PCSK2: variants seen among roughly 807,000 people sequenced by gnomAD.
PCSK2 encodes neuroendocrine convertase 2.
A neutral mutation model predicts 69.7 loss-of-function variants in PCSK2; 14 were observed. The observed-to-expected ratio is 0.20, with a 90% CI of 0.13 to 0.31. The LOEUF is 0.31. Ranked by LOEUF, PCSK2 falls within the 10% of genes least tolerant of loss-of-function variation. The pLI, the probability that PCSK2 is intolerant of heterozygous loss-of-function variation, is 1.00. For synonymous variants in PCSK2, 307 were observed against 320.7 expected (o/e 0.96, Z 0.46); for missense variants, 544 against 842.5 (o/e 0.65, Z 4.39).
chr20:17,433,812 T>TCTCTCTCC (rs774361715), intron 7 of PCSK2, among the ~76,000 whole-genome samples: 21 of 104,172 alleles, frequency 2.0e-4, no homozygotes, highest in African/African-American at 7.0e-4. Flanking sequence ...TCTCTCTCTC[T>TCTCTCTCC]CCCCCCACTT....
intron 5 of PCSK2, among the ~76,000 whole-genome samples, chr20:17,386,804 G>A (rs539214943): frequency 4.6e-5 from 7 of 152,130 alleles, no homozygotes; most frequent in Non-Finnish European, 8.8e-5. Context: ...CTATTACAAT[G>A]AATACATCGT....
In PCSK2 at chr20:17,445,603, C is replaced by T. The variant is rs147979057; in HGVS notation, c.886-8139C>T. 1.8e-3 allele frequency among the ~76,000 whole-genome samples: 273 copies of T among 152,296 alleles called. 1 individual carries two copies. The highest frequency in any genetic ancestry group is 2.7e-3 in the Non-Finnish European group (186 of 68,036). On this transcript the variant is annotated intron_variant, in intron 8 of 11. Coordinates refer to ENST00000262545, the MANE Select transcript of PCSK2 (RefSeq NM_002594.5). ...GGGGACAGAGAGCTGCCTGGGGAGA[C>T]AGTGATTAATCAGGCATGGGCGAGG...
intron 5 of PCSK2, among the ~76,000 whole-genome samples, chr20:17,393,534 T>C (rs938880707): frequency 6.6e-6 from 1 of 151,976 alleles, no homozygotes; most frequent in Non-Finnish European, 1.5e-5. Context: ...TTTTTAATCA[T>C]TTATCTTCAA....
At chr20:17,409,459 G>A (rs1355658253) in intron 6 of PCSK2, 120 bp downstream of exon 6, 1 of 691,616 alleles carries the variant, frequency 1.4e-6, no homozygotes, top group Non-Finnish European at 2.6e-6. Context: ...AAATTATATT[G>A]TGATTTTTCT....
rs2032317002 is a variant in PCSK2 at position 17,429,344 on chromosome 20, A to G, written c.621-91A>G. On this transcript the variant is annotated intron_variant, in intron 6 of 11. Transcript: ENST00000262545. The stretch of plus-strand genomic sequence containing the variant: ...TACTTGTATATGATACGCAGATTTC[A>G]TTTTTGTTCCAAAGAGAATTTTGAG... 3.3e-6 allele frequency: 3 copies of G among 907,362 alleles called. No homozygotes were observed. In the South Asian group the frequency reaches 4.2e-5, roughly 13 times the overall value. The allele number at this position is 907,362 out of a possible 1,614,324, so 56.2% of individuals were successfully genotyped here. A position where few individuals can be genotyped will look rare whatever the true frequency, so the allele number is the denominator to read the frequency against.
chr20:17,413,099 A>G (rs1306479921), intron 6 of PCSK2, among the ~76,000 whole-genome samples: 1 of 152,202 alleles, frequency 6.6e-6, no homozygotes, highest in East Asian at 1.9e-4. Context: ...AAAGACCATC[A>G]ATGCTAGGAA....
intron 6 of PCSK2, among the ~76,000 whole-genome samples, chr20:17,416,004 T>C (rs540280006): frequency 1.8e-4 from 28 of 152,234 alleles, no homozygotes; most frequent in Non-Finnish European, 3.4e-4. Context: ...CCCTTCCTTA[T>C]ACCTTATACA....
At chr20:17,384,441 A>AC (rs2031178456) in intron 5 of PCSK2, among the ~76,000 whole-genome samples, 3 of 150,746 alleles carry the variant, frequency 2.0e-5, no homozygotes, top group South Asian at 4.2e-4. Context: ...AAAAAAAAAA[A>AC]AAAATACAAA....
At chr20:17,298,527 G>T (rs561820027) in intron 2 of PCSK2, among the ~76,000 whole-genome samples, 26 of 152,298 alleles carry the variant, frequency 1.7e-4, no homozygotes, top group African/African-American at 5.8e-4. Context: ...AATGCCAATA[G>T]TGTTGAGGCA....
chr20:17,372,770 C>A (rs1302798451), intron 5 of PCSK2, among the ~76,000 whole-genome samples: 3 of 152,176 alleles, frequency 2.0e-5, no homozygotes, highest in African/African-American at 4.8e-5. Flanking sequence ...GTGCTTGATT[C>A]CTCAGCAGAG....
Position 17,312,819 on chromosome 20 carries a change from A to G in PCSK2, c.283-45508A>G, listed in dbSNP as rs746622529. Among the ~76,000 whole-genome samples, 33 of 152,166 alleles carry G rather than the reference A, an allele frequency of 2.2e-4. 1 individual carries two copies. Among genetic ancestry groups the G allele is most frequent in the African/African-American group, 2.4e-5 (1 of 41,454 alleles). ...AGAAACTACAATTAAACTAGGAAAT[A>G]GAGCAGATAAACTCTGTGTCTAGAA... On this transcript the variant is annotated intron_variant, in intron 2 of 11. Transcript: ENST00000262545.
At chr20:17,313,585 C>T (rs921485834) in intron 2 of PCSK2, among the ~76,000 whole-genome samples, 1 of 152,138 alleles carries the variant, frequency 6.6e-6, no homozygotes, top group African/African-American at 2.4e-5. Flanking sequence ...TTCTCCCCCT[C>T]ATCAACCTCA....
chr20:17,335,857 G>GGTGTGTGTGTGTGTGTGT (rs3138653), intron 2 of PCSK2, among the ~76,000 whole-genome samples: 1 of 142,696 alleles, frequency 7.0e-6, no homozygotes, highest in African/African-American at 2.6e-5. Context: ...AGTAGTCCAT[G>GGTGTGTGTGTGTGTGTGT]GTGTGTGTGT....
intron 5 of PCSK2, among the ~76,000 whole-genome samples, chr20:17,378,918 G>A (rs949271333): frequency 2.0e-5 from 3 of 152,052 alleles, no homozygotes; most frequent in African/African-American, 4.8e-5. Flanking sequence ...CGGTATATAC[G>A]CACTGAATTC....
chr20:17,240,792 A>G (rs1158176956), intron 1 of PCSK2, among the ~76,000 whole-genome samples: 1 of 152,188 alleles, frequency 6.6e-6, no homozygotes, highest in Non-Finnish European at 1.5e-5. Flanking sequence ...CTGTTAGCCC[A>G]GCCCTAAAAT....
chr20:17,398,523 C>CAAAAAAAAA lies in PCSK2; in HGVS notation c.544-10725_544-10717dup, dbSNP rs36062712. Reference sequence around the variant, plus strand: ...TGGGTTACAGAGTGAGATCCTGTCTCAAAAAAAAAAAAAAAAAAAAAAATG... The same window carrying CAAAAAAAAA: ...TGGGTTACAGAGTGAGATCCTGTCTCAAAAAAAAAAAAAAAAAAAAAAAAAAAAAAAATG... On this transcript the variant is annotated intron_variant, in intron 5 of 11. Coordinates refer to ENST00000262545, the MANE Select transcript of PCSK2 (RefSeq NM_002594.5). 9.9e-4 allele frequency among the ~76,000 whole-genome samples: 84 copies of CAAAAAAAAA among 85,206 alleles called. 2 individuals carry two copies. Among genetic ancestry groups the CAAAAAAAAA allele is most frequent in the Non-Finnish European group, 1.5e-3 (69 of 46,200 alleles). 55.9% of individuals were successfully genotyped at this position (85,206 alleles called of 152,430 possible). A position where few individuals can be genotyped will look rare whatever the true frequency, so the allele number is the denominator to read the frequency against.
In PCSK2 at chr20:17,481,832, G is replaced by T; in HGVS notation, c.1679G>T (p.Trp560Leu). 6.2e-7 allele frequency: 1 copy of T among 1,614,142 alleles called. No individual in the cohort carries two copies. The highest frequency in any genetic ancestry group is 8.5e-7 in the Non-Finnish European group (1 of 1,180,014). ...DKWPFMTTHTWGEDARGTWTL... is the reference protein window; with the variant it reads ...DKWPFMTTHTLGEDARGTWTL... ...TGGCCTTTCATGACCACTCACACGTGGGGGGAAGACGCCCGAGGCACCTGG... is the reference window on the plus strand; with the variant it reads ...TGGCCTTTCATGACCACTCACACGTTGGGGGAAGACGCCCGAGGCACCTGG... Residue 560 changes from tryptophan to leucine, a missense_variant, in exon 12 of 12, where the codon TGG (tryptophan) becomes TTG (leucine). By Grantham distance (61) the Trp-to-Leu change is moderately conservative. This residue lies in a region of PCSK2 where 200 missense variants were observed against 287.8 expected (regional missense o/e 0.69). Coordinates refer to ENST00000262545, the MANE Select transcript of PCSK2 (RefSeq NM_002594.5).
At chr20:17,440,218 C>T (rs1339096528) in intron 8 of PCSK2, among the ~76,000 whole-genome samples, 1 of 152,178 alleles carries the variant, frequency 6.6e-6, no homozygotes, top group Non-Finnish European at 1.5e-5. Context: ...CCACAGCCCA[C>T]CTGGGAGAGT....
At chr20:17,475,033 A>G (rs563055675) in intron 11 of PCSK2, among the ~76,000 whole-genome samples, 32 of 152,008 alleles carry the variant, frequency 2.1e-4, no homozygotes, top group African/African-American at 7.2e-4. Context: ...GTTTGAGTAC[A>G]TGTGCTTTAT....
Sources: allele counts gnomAD v4.1 joint callset (sites outside exome capture counted in the v4.1 genomes callset), GRCh38; gene constraint gnomAD v4.1.1; regional missense constraint gnomAD v4.1.1; transcripts MANE v1.5; gene names NCBI Gene and HGNC (gene_info 2026-07-23, HGNC 2026-07-21).